The following SHOX variants were observed in gnomAD, a reference collection of about 807,000 sequenced individuals.
SHOX encodes SHOX homeobox.
SHOX carries 12 observed loss-of-function variants against 29.6 expected under a neutral mutation model. The observed-to-expected ratio is 0.41, with a 90% CI of 0.26 to 0.66. SHOX has a LOEUF of 0.66. Among genes scored for constraint, SHOX ranks in the 30% least tolerant of loss-of-function variants. The pLI is 0.35. For missense variants in SHOX, 499 were observed against 437.7 expected (o/e 1.14, Z -1.25); for synonymous variants, 214 against 200.6 (o/e 1.07, Z -0.57).
At chrX:631,634 C>G (rs969126461) in intron 1 of SHOX, among the ~76,000 whole-genome samples, 4 of 152,144 alleles carry the variant, frequency 2.6e-5, no homozygotes, top group African/African-American at 7.2e-5. Flanking sequence ...TGGGTTCAAG[C>G]GATTCTCCTG....
chrX:655,506 G>A (rs1328372977), downstream of SHOX, among the ~76,000 whole-genome samples: 1 of 151,252 alleles, frequency 6.6e-6, no homozygotes, highest in African/African-American at 2.4e-5. Flanking sequence ...GTGGGAGGCT[G>A]AGGCAGAATT....
chrX:652,661 G>T (rs1440622156), downstream of SHOX, among the ~76,000 whole-genome samples: 1 of 152,138 alleles, frequency 6.6e-6, no homozygotes, highest in African/African-American at 2.4e-5. Flanking sequence ...GTTCCTGAAA[G>T]CTTCTCTTGG....
rs2052637098 is a variant in SHOX at position 630,987 on chromosome X, G to A, written c.90G>A (p.Lys30=). ...NGGGGGGGGK[K]DSITYREVLE... ...GAGGCGGAGGCGGCGGAGGTAAGAA[G>A]GATTCCATTACGTACCGGGAAGTTT... The change falls in exon 1 of 5, where the codon AAG becomes AAA. Residue 30 remains lysine, a synonymous_variant. Coordinates refer to ENST00000686671, the MANE Select transcript of SHOX (RefSeq NM_000451.4). 6.2e-7 allele frequency: 1 copy of A among 1,613,882 alleles called. No individual in the cohort carries two copies. The highest frequency in any genetic ancestry group is 1.3e-5 in the African/African-American group (1 of 75,032).
At chrX:632,120 C>G in intron 1 of SHOX, 2 of 396,972 alleles carry the variant, frequency 5.0e-6, no homozygotes, top group South Asian at 3.6e-5. Context: ...AAAAACCACT[C>G]CCGTGAGCGG....
At position 646,933 on chromosome X, in the gene SHOX, A is replaced by G. The variant is rs1228957483; in HGVS notation, c.*2297A>G. On this transcript the variant is annotated 3_prime_UTR_variant, in exon 5 of 5. Transcript: ENST00000686671. ...CCTTTGGAAAAGTGGTTGGTAAGAT[A>G]TGTACAGCCCTAGATTTTTTTTTTT... is the stretch of plus-strand genomic sequence containing the variant. The G allele has an allele frequency of 1.4e-5, 2 of 144,262 alleles. No individual in the cohort carries two copies. Among genetic ancestry groups the G allele is most frequent in the East Asian group, 2.0e-4 (1 of 4,950 alleles). The allele number at this position is 144,262 out of a possible 1,614,324, so 8.9% of individuals were successfully genotyped here. A position where few individuals can be genotyped will look rare whatever the true frequency, so the allele number is the denominator to read the frequency against.
downstream of SHOX, among the ~76,000 whole-genome samples, chrX:653,608 G>C (rs1449256158): frequency 6.7e-6 from 1 of 149,322 alleles, no homozygotes; most frequent in Non-Finnish European, 1.5e-5. Context: ...GACTTCTCTG[G>C]ACTTGACCAC....
Position 651,020 on chromosome X carries a change from G to A in SHOX, c.*6384G>A, listed in dbSNP as rs1490675228. ...ATTGAAAGGGGATGTGGCTTCACGA[G>A]TTCAGCCCATTGTACGTGCAGGTCC... On this transcript the variant is annotated 3_prime_UTR_variant, in exon 5 of 5. Coordinates refer to ENST00000686671, the MANE Select transcript of SHOX (RefSeq NM_000451.4). Among the ~76,000 whole-genome samples, 1 of 152,018 alleles carries A rather than the reference G, an allele frequency of 6.6e-6. No individual in the cohort carries two copies. The highest frequency in any genetic ancestry group is 6.6e-5 in the Admixed American group (1 of 15,260).
intron 5 of SHOX, chrX:658,661 G>T (rs973364440): frequency 1.6e-5 from 3 of 187,914 alleles, no homozygotes; most frequent in Non-Finnish European, 3.4e-5. Context: ...TAGTAGAGAC[G>T]GGGTTTCACC....
intron 1 of SHOX, among the ~76,000 whole-genome samples, chrX:632,145 T>A (rs1396573725): frequency 1.3e-5 from 2 of 152,260 alleles, no homozygotes; most frequent in Admixed American, 1.3e-4. Context: ...GGCCGGGATC[T>A]GGATGGGGCG....
downstream of SHOX, among the ~76,000 whole-genome samples, chrX:651,758 G>C (rs888927291): frequency 2.6e-5 from 4 of 151,556 alleles, no homozygotes; most frequent in African/African-American, 9.7e-5. Flanking sequence ...TAGATCGGGA[G>C]GTACCATTGA....
intron 2 of SHOX, among the ~76,000 whole-genome samples, chrX:639,782 G>A (rs1465592238): frequency 2.0e-5 from 3 of 151,898 alleles, no homozygotes; most frequent in East Asian, 3.9e-4. Flanking sequence ...AGGGTGGATC[G>A]CTTGAGGTCA....
chrX:631,464 G>A (rs1400981965), intron 1 of SHOX, among the ~76,000 whole-genome samples: 2 of 152,152 alleles, frequency 1.3e-5, no homozygotes, highest in African/African-American at 4.8e-5. Flanking sequence ...GTGGATCCGG[G>A]TGGCTGTGCC....
At chrX:633,151 T>C (rs1366886157) in intron 1 of SHOX, among the ~76,000 whole-genome samples, 2 of 151,998 alleles carry the variant, frequency 1.3e-5, no homozygotes, top group African/African-American at 2.4e-5. Flanking sequence ...AGATCCAAGT[T>C]AAATCGAGGT....
rs1275922514 is a variant in SHOX at position 641,011 on chromosome X, G to A, written c.557G>A (p.Gly186Asp). ...CCTTTGGACACAGGCGTCATCTTGG[G>A]CACAGCCAACCACCTAGACGCCTGC... is the stretch of plus-strand genomic sequence containing the variant. ...ENQMHKGVIL[G>D]TANHLDACRV... Residue 186 changes from glycine to aspartate, a missense_variant, in exon 4 of 5, where the codon GGC becomes GAC. Transcript: ENST00000686671. 1.9e-6 allele frequency: 3 copies of A among 1,613,800 alleles called. No homozygotes were observed. Among genetic ancestry groups the A allele is most frequent in the African/African-American group, 1.3e-5 (1 of 75,018 alleles).
At chrX:651,967 C>T (rs1208575299), downstream of SHOX, among the ~76,000 whole-genome samples, 4 of 151,980 alleles carry the variant, frequency 2.6e-5, no homozygotes, top group Admixed American at 1.3e-4. Context: ...TCGCCCAGGC[C>T]GGAGGAGTGC....
intron 5 of SHOX, among the ~76,000 whole-genome samples, chrX:657,960 C>T (rs1429087035): frequency 6.6e-6 from 1 of 152,052 alleles, no homozygotes; most frequent in Non-Finnish European, 1.5e-5. Flanking sequence ...AGTTTAGCTT[C>T]TCCAGGTGGT....
chrX:644,549 C>G lies in SHOX; in HGVS notation c.792C>G (p.Ala264=), dbSNP rs1432441801. 3.2e-5 allele frequency: 48 copies of G among 1,517,844 alleles called. No homozygotes were observed. Among genetic ancestry groups the G allele is most frequent in the Non-Finnish European group, 4.1e-5 (47 of 1,139,654 alleles). The allele number at this position is 1,517,844 out of a possible 1,614,324, so 94.0% of individuals were successfully genotyped here. ...CCGCCTCGGCCGCCGCCGTGGTCGC[C>G]GCCGCCGCCAAAAGCAACAGCAAGA... is the stretch of plus-strand genomic sequence containing the variant. ...AESASAAAVV[A]AAAKSNSKNS... Residue 264 remains alanine (A), a synonymous_variant, in exon 5 of 5, where the codon GCC becomes GCG. Coordinates refer to ENST00000686671, the MANE Select transcript of SHOX (RefSeq NM_000451.4).
intron 1 of SHOX, chrX:632,129 G>A (rs181270676): frequency 2.6e-6 from 1 of 384,756 alleles, no homozygotes; most frequent in Non-Finnish European, 5.3e-6. Context: ...TCCCGTGAGC[G>A]GAGGTGGCCG....
At chrX:636,357 C>CATATAA (rs1179227932) in intron 2 of SHOX, among the ~76,000 whole-genome samples, 26 of 85,008 alleles carry the variant, frequency 3.1e-4, no homozygotes, top group African/African-American at 8.7e-4. Flanking sequence ...AATATATAAA[C>CATATAA]ATATATAAAT....
Sources: allele counts gnomAD v4.1 joint callset (sites outside exome capture counted in the v4.1 genomes callset), GRCh38; gene constraint gnomAD v4.1.1; transcripts MANE v1.5; gene names NCBI Gene and HGNC (gene_info 2026-07-23, HGNC 2026-07-21).